IPO11: variants seen among roughly 807,000 people sequenced by gnomAD.
The protein encoded by IPO11 is importin 11.
In IPO11, 66 loss-of-function variants were observed where a neutral mutation model predicts 143.2. That is an observed-to-expected ratio of 0.46 (90% confidence interval 0.38 to 0.57). The LOEUF (loss-of-function observed/expected upper bound fraction) is 0.57. Ranked by LOEUF, IPO11 falls within the 20% of genes least tolerant of loss-of-function variation. The pLI is 0.00. For missense variants in IPO11, 1,026 were observed against 1,141.0 expected (o/e 0.90, Z 1.45); for synonymous variants, 385 against 377.8 (o/e 1.02, Z -0.22).
intron 21 of IPO11, among the ~76,000 whole-genome samples, chr5:62,528,719 C>T (rs1354931061): frequency 1.3e-5 from 2 of 151,996 alleles, no homozygotes; most frequent in Non-Finnish European, 1.5e-5. Context: ...TATGAAGCAT[C>T]GTCTTTAGTG....
intron 19 of IPO11, 94 bp from the exon 20 acceptor site, chr5:62,515,294 G>C: frequency 1.4e-6 from 1 of 705,212 alleles, no homozygotes. Flanking sequence ...AATATGTGCT[G>C]TCTGGGACTT....
intron 3 of IPO11, among the ~76,000 whole-genome samples, chr5:62,447,418 T>G (rs915927000): frequency 6.6e-6 from 1 of 152,168 alleles, no homozygotes; most frequent in African/African-American, 2.4e-5. Flanking sequence ...TTTATGAAAT[T>G]TTTGCTCAAC....
At chr5:62,519,982 C>G (rs1742151911) in intron 20 of IPO11, among the ~76,000 whole-genome samples, 1 of 152,168 alleles carries the variant, frequency 6.6e-6, no homozygotes, top group Non-Finnish European at 1.5e-5. Flanking sequence ...CTTTCATGTT[C>G]AAAGTCAGCA....
intron 5 of IPO11, among the ~76,000 whole-genome samples, chr5:62,453,546 G>T (rs1450981935): frequency 2.1e-5 from 3 of 144,514 alleles, no homozygotes; most frequent in African/African-American, 8.8e-5. Context: ...TTGTTCTGAG[G>T]ACTCAATTTT....
At chr5:62,491,906 G>T (rs1477617311) in intron 15 of IPO11, among the ~76,000 whole-genome samples, 1 of 151,874 alleles carries the variant, frequency 6.6e-6, no homozygotes, top group Admixed American at 6.6e-5. Flanking sequence ...TCCTGACCTC[G>T]TGATCTGCCC....
At chr5:62,467,359 C>T in intron 6 of IPO11, 96 bp downstream of exon 6, 2 of 1,308,038 alleles carry the variant, frequency 1.5e-6, no homozygotes, top group South Asian at 3.0e-5. Flanking sequence ...CCCAGTTTCA[C>T]TGGAAAAATA....
In IPO11 at chr5:62,449,928, GCTCT is replaced by G; in HGVS notation, c.245_248del (p.Leu82GlnfsTer20). 6.5e-7 allele frequency: 1 copy of G among 1,548,374 alleles called. No homozygotes were observed. Among genetic ancestry groups the G allele is most frequent in the Non-Finnish European group, 8.7e-7 (1 of 1,147,778 alleles). On this transcript the variant is annotated frameshift_variant and splice_region_variant, in exon 4 of 30. Transcript: ENST00000325324. LOFTEE classifies it high-confidence loss of function. ...ATCAATACTTTTTTTTTTTTACAGT[GCTCT>G]CTCAGAGGAGGAGAAAACTACTCTG...
intron 26 of IPO11, among the ~76,000 whole-genome samples, chr5:62,553,813 C>G (rs1230680550): frequency 1.3e-5 from 2 of 152,014 alleles, no homozygotes; most frequent in Non-Finnish European, 2.9e-5. Flanking sequence ...AGTGCAGTGG[C>G]ACGATCTCGG....
chr5:62,526,550 A>G (rs1742375653), intron 21 of IPO11: 2 of 255,216 alleles, frequency 7.8e-6, no homozygotes, highest in South Asian at 1.1e-4. Context: ...CTGACTTACA[A>G]TTTCCAGTCT....
At chr5:62,432,173 G>A (rs576307471) in intron 1 of IPO11, among the ~76,000 whole-genome samples, 57 of 152,220 alleles carry the variant, frequency 3.7e-4, no homozygotes, top group African/African-American at 1.3e-3. Flanking sequence ...AGTGGCAAAC[G>A]GCCAAACTTG....
At position 62,452,758 on chromosome 5, in the gene IPO11, G is replaced by GTGTGTGTA. The variant is rs797020141; in HGVS notation, c.516+827_516+828insTGTGTATG. On this transcript the variant is annotated intron_variant, in intron 5 of 29. Coordinates refer to ENST00000325324, the MANE Select transcript of IPO11 (RefSeq NM_016338.5). ...TGTGTGTGTGTGTGTGTGTGTGTGT[G>GTGTGTGTA]TGCACGCATTTTGAGACGGGGTTTT... 1.8e-4 allele frequency among the ~76,000 whole-genome samples: 26 copies of GTGTGTGTA among 142,772 alleles called. 1 individual carries two copies. Among genetic ancestry groups the GTGTGTGTA allele is most frequent in the African/African-American group, 6.7e-4 (24 of 35,840 alleles). The allele number at this position is 142,772 out of a possible 152,430, so 93.7% of individuals were successfully genotyped here.
intron 1 of IPO11, among the ~76,000 whole-genome samples, chr5:62,430,168 A>G (rs1436257977): frequency 6.6e-6 from 1 of 152,174 alleles, no homozygotes; most frequent in African/African-American, 2.4e-5. Flanking sequence ...TTTTGTATGG[A>G]CATATTCATT....
intron 17 of IPO11, 49 bp downstream of exon 17, chr5:62,504,749 C>T (rs752293457): frequency 3.3e-5 from 45 of 1,366,882 alleles, no homozygotes; most frequent in Non-Finnish European, 4.4e-5. Context: ...AACTTTAACA[C>T]TTTTAATTAT....
At chr5:62,483,856 AG>A (rs1219926666) in intron 10 of IPO11, among the ~76,000 whole-genome samples, 153 bp from the exon 11 acceptor site, 1 of 152,176 alleles carries the variant, frequency 6.6e-6, no homozygotes, top group Non-Finnish European at 1.5e-5. Flanking sequence ...GTAAGGAAAG[AG>A]TATCTTTGAG....
At chr5:62,414,704 C>T (rs1743228106) in intron 1 of IPO11, among the ~76,000 whole-genome samples, 1 of 152,146 alleles carries the variant, frequency 6.6e-6, no homozygotes, top group Admixed American at 6.5e-5. Context: ...ATCTCAGGCT[C>T]AATCCAGAGC....
At chr5:62,488,741 G>A (rs905794621) in intron 13 of IPO11, among the ~76,000 whole-genome samples, 7 of 152,148 alleles carry the variant, frequency 4.6e-5, no homozygotes, top group East Asian at 1.9e-4. Flanking sequence ...GGTGACTCAC[G>A]CCTGTAATTC....
intron 24 of IPO11, among the ~76,000 whole-genome samples, chr5:62,539,013 G>A (rs1257822288): frequency 2.0e-5 from 3 of 152,120 alleles, no homozygotes; most frequent in Non-Finnish European, 4.4e-5. Flanking sequence ...TAAATTGGAA[G>A]GGTCATCTGC....
At chr5:62,457,569 T>G (rs931579526) in intron 5 of IPO11, among the ~76,000 whole-genome samples, 9 of 152,142 alleles carry the variant, frequency 5.9e-5, no homozygotes, top group African/African-American at 1.4e-4. Flanking sequence ...GAAGTCAAGT[T>G]ACAATACTTC....
chr5:62,616,815 T>C (rs1746157243), intron 29 of IPO11, among the ~76,000 whole-genome samples: 1 of 152,046 alleles, frequency 6.6e-6, no homozygotes, highest in South Asian at 2.1e-4. Flanking sequence ...TTAACAATTT[T>C]GCTCTGTCAG....
Sources: gnomAD v4.1 joint callset for allele counts (sites outside exome capture counted in the v4.1 genomes callset) on GRCh38, gnomAD v4.1.1 for gene constraint, MANE v1.5 for transcripts, NCBI Gene and HGNC (gene_info 2026-07-23, HGNC 2026-07-21) for gene names.